LDLRAD4: variants seen among roughly 807,000 people sequenced by gnomAD.
The protein encoded by LDLRAD4 is low-density lipoprotein receptor class A domain-containing protein 4.
Under a neutral mutation model 17.0 loss-of-function variants are expected in LDLRAD4, and 5 were observed. The ratio of observed to expected loss-of-function variants is 0.29; its 90% CI spans 0.15 to 0.62. LDLRAD4 has a LOEUF of 0.62. Among genes scored for constraint, LDLRAD4 ranks in the 20% least tolerant of loss-of-function variants. The pLI, the probability that LDLRAD4 is intolerant of heterozygous loss-of-function variation, is 0.84. For missense variants in LDLRAD4, 340 were observed against 424.7 expected (o/e 0.80, Z 1.75); for synonymous variants, 168 against 171.8 (o/e 0.98, Z 0.17).
exon 5 of LDLRAD4, chr18:13,643,382 C>T: frequency 7.2e-7 from 1 of 1,388,346 alleles, no homozygotes; most frequent in East Asian, 2.9e-5. Flanking sequence ...GGCCTTCAGA[C>T]AGCGCCGCAC....
intron 3 of LDLRAD4, among the ~76,000 whole-genome samples, chr18:13,448,934 G>A (rs2091612922): frequency 6.6e-6 from 1 of 152,208 alleles, no homozygotes; most frequent in African/African-American, 2.4e-5. Flanking sequence ...GCCTCTTTCA[G>A]TCATGGCAGC....
chr18:13,613,811 C>G (rs1204765364), intron 3 of LDLRAD4: 1 of 152,272 alleles, frequency 6.6e-6, no homozygotes, highest in Non-Finnish European at 1.5e-5. Flanking sequence ...GGCCTTGGGC[C>G]GGTATCAGGT....
At chr18:13,379,305 C>T (rs1470252187) in intron 1 of LDLRAD4, among the ~76,000 whole-genome samples, 5 of 152,250 alleles carry the variant, frequency 3.3e-5, no homozygotes, top group African/African-American at 1.2e-4. Context: ...ATGGGGCACC[C>T]CCAGGCCAGC....
At chr18:13,587,523 C>T (rs893791757) in intron 3 of LDLRAD4, among the ~76,000 whole-genome samples, 2 of 152,188 alleles carry the variant, frequency 1.3e-5, no homozygotes, top group Admixed American at 6.5e-5. Context: ...GTCCACACTT[C>T]GTTTCATAGG....
intron 3 of LDLRAD4, among the ~76,000 whole-genome samples, chr18:13,551,893 G>A (rs2094438461): frequency 6.6e-6 from 1 of 152,128 alleles, no homozygotes; most frequent in Non-Finnish European, 1.5e-5. Context: ...CTGTTTCTGG[G>A]GAGGCCTCAG....
intron 3 of LDLRAD4, among the ~76,000 whole-genome samples, chr18:13,453,530 C>CA (rs141209744): frequency 0.044 from 6,575 of 148,406 alleles, 227 homozygotes; most frequent in East Asian, 0.12. Flanking sequence ...ACTTGTGACG[C>CA]AAAAAAAAAG....
chr18:13,400,771 A>G (rs1041823477), intron 2 of LDLRAD4, among the ~76,000 whole-genome samples: 10 of 152,098 alleles, frequency 6.6e-5, no homozygotes, highest in African/African-American at 2.2e-4. Context: ...GGAGGAAAGG[A>G]CGTGGTTCAC....
intron 2 of LDLRAD4, 116 bp downstream of exon 3, chr18:13,387,878 G>A (rs1169254847): frequency 3.5e-6 from 3 of 849,212 alleles, no homozygotes; most frequent in South Asian, 2.8e-5. Flanking sequence ...GGCCAACGCA[G>A]TCAAGGGCTC....
At chr18:13,475,291 C>T (rs1010286691) in intron 3 of LDLRAD4, among the ~76,000 whole-genome samples, 1 of 152,156 alleles carries the variant, frequency 6.6e-6, no homozygotes, top group Non-Finnish European at 1.5e-5. Context: ...CTCTGTGGCC[C>T]GGAGACAACA....
chr18:13,273,967 C>T (rs2044709276), upstream of LDLRAD4, among the ~76,000 whole-genome samples: 2 of 152,054 alleles, frequency 1.3e-5, no homozygotes, highest in Admixed American at 1.3e-4. Flanking sequence ...GATCGGCAGC[C>T]CCACAGGACC....
chr18:13,349,458 A>G (rs1410230037), intron 1 of LDLRAD4, among the ~76,000 whole-genome samples: 5 of 152,108 alleles, frequency 3.3e-5, no homozygotes, highest in African/African-American at 1.2e-4. Context: ...TTGTCCATGT[A>G]TTTACCTTTA....
At chr18:13,644,941 T>C (rs561542855) in intron 5 of LDLRAD4, 186 bp from the exon 7 acceptor site, 1 of 608,812 alleles carries the variant, frequency 1.6e-6, no homozygotes, top group African/African-American at 1.8e-5. Context: ...TGGTCTGTCA[T>C]AAGGAATCAG....
chr18:13,267,616 G>C (rs555761370), intron 1 of LDLRAD4, among the ~76,000 whole-genome samples: 1 of 152,268 alleles, frequency 6.6e-6, no homozygotes, highest in East Asian at 1.9e-4. Flanking sequence ...TAACTGAGAT[G>C]AGCAAGCCTC....
chr18:13,418,896 G>A (rs1015222241), intron 2 of LDLRAD4, among the ~76,000 whole-genome samples: 5 of 152,136 alleles, frequency 3.3e-5, no homozygotes, highest in African/African-American at 1.2e-4. Context: ...TTGTGCATTA[G>A]GGACTGAAAA....
chr18:13,391,296 C>T (rs2086256587), intron 2 of LDLRAD4, among the ~76,000 whole-genome samples: 3 of 152,082 alleles, frequency 2.0e-5, no homozygotes, highest in Non-Finnish European at 4.4e-5. Flanking sequence ...TTGGGCAGCA[C>T]TCGGGCTGTG....
At chr18:13,413,347 G>T (rs1381471328) in intron 2 of LDLRAD4, among the ~76,000 whole-genome samples, 1 of 152,204 alleles carries the variant, frequency 6.6e-6, no homozygotes, top group African/African-American at 2.4e-5. Flanking sequence ...GTAAATTCCG[G>T]CTATTTTGTG....
chr18:13,542,132 G>C (rs1168094704), intron 3 of LDLRAD4, among the ~76,000 whole-genome samples: 1 of 152,202 alleles, frequency 6.6e-6, no homozygotes, highest in Admixed American at 6.5e-5. Flanking sequence ...CAGCAATGCA[G>C]CTCTCTTCAT....
intron 1 of LDLRAD4, among the ~76,000 whole-genome samples, chr18:13,329,327 G>GT (rs2081717685): frequency 6.6e-6 from 1 of 152,162 alleles, no homozygotes; most frequent in African/African-American, 2.4e-5. Context: ...CATGTTATCA[G>GT]TTTTTTAAAG....
chr18:13,455,083 C>A (rs62085730), intron 3 of LDLRAD4, among the ~76,000 whole-genome samples: 11,415 of 152,230 alleles, frequency 0.075, 748 homozygotes, highest in African/African-American at 0.17. Flanking sequence ...CCTGTATGTG[C>A]AGGAGCTGGG....
Sources: allele counts gnomAD v4.1 joint callset (sites outside exome capture counted in the v4.1 genomes callset), GRCh38; gene constraint gnomAD v4.1.1; transcripts MANE v1.5; gene names NCBI Gene and HGNC (gene_info 2026-07-23, HGNC 2026-07-21).